Variants in MIPEP observed in about 807,000 individuals in gnomAD.
MIPEP encodes the protein mitochondrial intermediate peptidase.
Under a neutral mutation model 90.3 loss-of-function variants are expected in MIPEP, and 79 were observed. The observed-to-expected ratio is 0.87, with a 90% confidence interval of 0.73 to 1.05. The LOEUF (loss-of-function observed/expected upper bound fraction) is 1.05. MIPEP is among the 50% of genes least tolerant of loss of function. The pLI, the probability that MIPEP is intolerant of heterozygous loss-of-function variation, is 0.00. For synonymous variants in MIPEP, 334 were observed against 315.8 expected (o/e 1.06, Z -0.61); for missense variants, 940 against 905.6 (o/e 1.04, Z -0.49).
intron 18 of MIPEP, among the ~76,000 whole-genome samples, chr13:23,751,432 T>C (rs1040078130): frequency 6.6e-6 from 1 of 152,232 alleles, no homozygotes; most frequent in African/African-American, 2.4e-5. Context: ...TTGTTGAGAA[T>C]TGACTCATTT....
At position 23,870,100 on chromosome 13, in the gene MIPEP, G is replaced by A. The variant is rs745949287; in HGVS notation, c.699C>T (p.Leu233=). Reference sequence around the variant, plus strand: ...AGTTACGACGAATGTGTTCTGGTAAGAGATGCTTCTCAATCTTGTTGGGAA... The same window carrying A: ...AGTTACGACGAATGTGTTCTGGTAAAAGATGCTTCTCAATCTTGTTGGGAA... ...TNFPNKIEKH[L]LPEHIRRNFT... Residue 233 remains leucine (L), a synonymous_variant, in exon 6 of 19, where the codon CTC becomes CTT. Coordinates refer to ENST00000382172, the MANE Select transcript of MIPEP (RefSeq NM_005932.4). 1.2e-6 allele frequency: 2 copies of A among 1,612,826 alleles called. No homozygotes were observed. The highest frequency in any genetic ancestry group is 1.7e-6 in the Non-Finnish European group (2 of 1,179,356).
intron 16 of MIPEP, among the ~76,000 whole-genome samples, chr13:23,778,561 C>T (rs1952742157): frequency 6.6e-6 from 1 of 152,156 alleles, no homozygotes; most frequent in African/African-American, 2.4e-5. Flanking sequence ...ATGCTGAACA[C>T]ACAGATTCCC....
chr13:23,740,121 T>C (rs1337979639), intron 18 of MIPEP, among the ~76,000 whole-genome samples: 1 of 152,136 alleles, frequency 6.6e-6, no homozygotes, highest in African/African-American at 2.4e-5. Flanking sequence ...TGAACCACCA[T>C]ACTACACACA....
intron 14 of MIPEP, among the ~76,000 whole-genome samples, chr13:23,834,511 T>C (rs1043531597): frequency 2.6e-5 from 4 of 152,260 alleles, no homozygotes; most frequent in Non-Finnish European, 4.4e-5. Flanking sequence ...GCCTGACTTA[T>C]TCTTGGCTGT....
At chr13:23,871,033 G>C (rs1160426409) in intron 5 of MIPEP, among the ~76,000 whole-genome samples, 1 of 152,094 alleles carries the variant, frequency 6.6e-6, no homozygotes, top group Non-Finnish European at 1.5e-5. Context: ...CCTGTCTCAG[G>C]GGGGAATAAA....
intron 4 of MIPEP, among the ~76,000 whole-genome samples, chr13:23,876,417 A>G (rs2137529018): frequency 6.6e-6 from 1 of 152,294 alleles, no homozygotes; most frequent in South Asian, 2.1e-4. Context: ...CCCTGAAGCC[A>G]AAGTCCAACC....
At chr13:23,801,367 T>G (rs1237704575) in intron 16 of MIPEP, among the ~76,000 whole-genome samples, 1 of 152,190 alleles carries the variant, frequency 6.6e-6, no homozygotes, top group Non-Finnish European at 1.5e-5. Flanking sequence ...CCACAGTCAG[T>G]GTCCTAGTTT....
At chr13:23,820,804 T>C (rs1953297579) in intron 14 of MIPEP, among the ~76,000 whole-genome samples, 1 of 152,174 alleles carries the variant, frequency 6.6e-6, no homozygotes, top group East Asian at 1.9e-4. Context: ...GGAATGAAAG[T>C]TGATGGAGCT....
chr13:23,782,517 A>T (rs373466799), intron 16 of MIPEP, among the ~76,000 whole-genome samples: 75 of 151,944 alleles, frequency 4.9e-4, no homozygotes, highest in African/African-American at 1.7e-3. Context: ...AGATCTAAAA[A>T]TGACACCCTA....
intron 15 of MIPEP, 142 bp from the exon 16 acceptor site, chr13:23,806,211 T>C (rs371876547): frequency 1.2e-6 from 1 of 822,452 alleles, no homozygotes; most frequent in Non-Finnish European, 2.0e-6. Flanking sequence ...TTACATGGTT[T>C]GAAATGTATT....
chr13:23,782,006 G>A lies in MIPEP; in HGVS notation c.1849-21789C>T, dbSNP rs576414706. ...CTTAGACTCCCACACAATAATAATGGGAGACTTTAACACCCCACTGTCAAC... is the reference window on the plus strand; with the variant it reads ...CTTAGACTCCCACACAATAATAATGAGAGACTTTAACACCCCACTGTCAAC... On this transcript the variant is annotated intron_variant, in intron 16 of 18. Transcript: ENST00000382172. Among the ~76,000 whole-genome samples, 970 of 152,094 alleles carry A rather than the reference G, an allele frequency of 6.4e-3. 5 individuals are homozygous for A. Among genetic ancestry groups the A allele is most frequent in the Non-Finnish European group, 0.012 (805 of 67,980 alleles).
chr13:23,821,450 G>A (rs564862329), intron 14 of MIPEP, among the ~76,000 whole-genome samples: 15 of 152,212 alleles, frequency 9.9e-5, no homozygotes, highest in Middle Eastern at 6.8e-3. Context: ...GAAGCTGGCT[G>A]CCTCCTGTGC....
intron 10 of MIPEP, among the ~76,000 whole-genome samples, chr13:23,844,434 A>G (rs1480349418): frequency 2.0e-5 from 3 of 152,184 alleles, no homozygotes; most frequent in Non-Finnish European, 4.4e-5. Context: ...TCAGCAGAGA[A>G]TCAAGGCCAC....
chr13:23,746,015 C>CTTT lies in MIPEP; in HGVS notation c.2044+10527_2044+10529dup, dbSNP rs34752143. ...ACCTGTGTTTAGCCCACTCAGCACA[C>CTTT]TTTTTTTTTTTTTTTTGAGACAGCG... On this transcript the variant is annotated intron_variant, in intron 18 of 18. Transcript: ENST00000382172. Among the ~76,000 whole-genome samples the CTTT allele has an allele frequency of 5.2e-3, 700 of 135,014 alleles. 10 individuals are homozygous for CTTT. The highest frequency in any genetic ancestry group is 0.013 in the African/African-American group (481 of 36,356). The allele number at this position is 135,014 out of a possible 152,430, so 88.6% of individuals were successfully genotyped here. A position where few individuals can be genotyped will look rare whatever the true frequency, so the allele number is the denominator to read the frequency against.
At chr13:23,759,086 G>A (rs557712374) in intron 17 of MIPEP, among the ~76,000 whole-genome samples, 155 of 152,270 alleles carry the variant, frequency 1.0e-3, no homozygotes, top group Non-Finnish European at 1.7e-3. Flanking sequence ...GTGGTGAGAA[G>A]ATAAATGCTA....
intron 1 of MIPEP, 124 bp from the exon 2 acceptor site, chr13:23,886,630 T>C: frequency 1.5e-6 from 1 of 649,886 alleles, no homozygotes; most frequent in Non-Finnish European, 2.4e-6. Context: ...ATGTTATACC[T>C]GTGATCACAG....
intron 16 of MIPEP, among the ~76,000 whole-genome samples, chr13:23,797,664 T>C (rs930287088): frequency 3.3e-5 from 5 of 152,178 alleles, no homozygotes; most frequent in African/African-American, 1.2e-4. Context: ...AACAAATAGG[T>C]GTAGGTTGCC....
At chr13:23,743,728 G>T (rs1001399363) in intron 18 of MIPEP, among the ~76,000 whole-genome samples, 2 of 152,054 alleles carry the variant, frequency 1.3e-5, no homozygotes, top group African/African-American at 4.8e-5. Context: ...TACATTTCTG[G>T]GTTACAAAAC....
chr13:23,843,234 G>A (rs1025290866), intron 10 of MIPEP, among the ~76,000 whole-genome samples: 1 of 152,078 alleles, frequency 6.6e-6, no homozygotes, highest in Non-Finnish European at 1.5e-5. Flanking sequence ...AAATAGCCTG[G>A]TAACTTCTAG....
Sources: allele counts gnomAD v4.1 joint callset (sites outside exome capture counted in the v4.1 genomes callset), GRCh38; gene constraint gnomAD v4.1.1; transcripts MANE v1.5; gene names NCBI Gene and HGNC (gene_info 2026-07-23, HGNC 2026-07-21).